Variants in PER3 observed in about 807,000 individuals in gnomAD.
PER3 encodes the protein period circadian protein homolog 3.
Under a neutral mutation model 127.2 loss-of-function variants are expected in PER3, and 107 were observed. The observed-to-expected ratio is 0.84, with a 90% CI of 0.72 to 0.99. PER3 has a LOEUF of 0.99. Ranked by LOEUF, PER3 falls within the 50% of genes least tolerant of loss-of-function variation. PER3 has a pLI of 0.00. For missense variants in PER3, 1,560 were observed against 1,525.8 expected (o/e 1.02, Z -0.37); for synonymous variants, 618 against 585.8 (o/e 1.05, Z -0.79).
chr1:7,808,614 G>C (rs916793181), intron 10 of PER3, among the ~76,000 whole-genome samples: 16 of 152,172 alleles, frequency 1.1e-4, no homozygotes, highest in Admixed American at 2.6e-4. Flanking sequence ...AGTAGCTAAG[G>C]AGGTTACTTG....
At chr1:7,831,172 C>T (rs757942097) in intron 19 of PER3, among the ~76,000 whole-genome samples, 1 of 152,188 alleles carries the variant, frequency 6.6e-6, no homozygotes, top group Non-Finnish European at 1.5e-5. Flanking sequence ...ACAACCCTTA[C>T]ATATATTTTG....
chr1:7,816,633 A>ATTCT (rs1301380271), intron 13 of PER3, among the ~76,000 whole-genome samples: 1,604 of 152,322 alleles, frequency 0.011, 36 homozygotes, highest in African/African-American at 0.036. Context: ...AGATAACACC[A>ATTCT]CACATCTGTG....
intron 19 of PER3, among the ~76,000 whole-genome samples, chr1:7,834,618 G>C (rs1466944300): frequency 1.3e-5 from 2 of 151,984 alleles, no homozygotes; most frequent in Non-Finnish European, 2.9e-5. Context: ...ACCACACTCA[G>C]CTAATTTTTT....
At chr1:7,812,639 A>G (rs1221037444) in intron 13 of PER3, among the ~76,000 whole-genome samples, 1 of 150,956 alleles carries the variant, frequency 6.6e-6, no homozygotes, top group Non-Finnish European at 1.5e-5. Context: ...AAAAAAAAAA[A>G]AAAAAAAAAA....
chr1:7,803,880 C>T lies in PER3; in HGVS notation c.1136+32C>T, dbSNP rs373562934. 3.0e-5 allele frequency: 47 copies of T among 1,562,738 alleles called. No individual in the cohort carries two copies. The African/African-American group carries it at 5.8e-4, about 19-fold the overall frequency. On this transcript the variant is annotated intron_variant, in intron 10 of 21. Coordinates refer to ENST00000377532, the MANE Select transcript of PER3 (RefSeq NM_001377275.1). The stretch of plus-strand genomic sequence containing the variant: ...CAGTCAGTTTTCATATTTTCTAAAA[C>T]ATCTCTTGTATCAAATAATATTCCT...
chr1:7,807,182 A>G (rs888704331), intron 10 of PER3, among the ~76,000 whole-genome samples: 1 of 152,156 alleles, frequency 6.6e-6, no homozygotes, highest in African/African-American at 2.4e-5. Context: ...AGGGAGAGAC[A>G]GTTACATAAA....
rs1553309980 is a variant in PER3, at chr1:7,806,840, A to ATATATATAT, written c.1137-2051_1137-2050insTATATATTA. Among the ~76,000 whole-genome samples the ATATATATAT allele has an allele frequency of 9.5e-4, 108 of 113,922 alleles. 1 individual carries two copies. Among genetic ancestry groups the ATATATATAT allele is most frequent in the East Asian group, 7.2e-3 (16 of 2,236 alleles). 74.7% of individuals were successfully genotyped at this position (113,922 alleles called of 152,430 possible). The stretch of plus-strand genomic sequence containing the variant: ...ATATATATATATATATATATATTAC[A>ATATATATAT]TACACACACACACATACATACACAA... On this transcript the variant is annotated intron_variant, in intron 10 of 21. Transcript: ENST00000377532.
intron 3 of PER3, 68 bp downstream of exon 3, chr1:7,785,654 G>A: frequency 3.8e-6 from 5 of 1,305,774 alleles, no homozygotes; most frequent in Non-Finnish European, 3.2e-6. Context: ...CCAGAGGAGT[G>A]GTCAGTGGGG....
At chr1:7,814,554 A>G (rs2097237728) in intron 13 of PER3, among the ~76,000 whole-genome samples, 1 of 152,212 alleles carries the variant, frequency 6.6e-6, no homozygotes, top group Non-Finnish European at 1.5e-5. Flanking sequence ...TATTTCCAGC[A>G]CACTTACTCC....
At chr1:7,786,408 A>T (rs577273082) in intron 3 of PER3, among the ~76,000 whole-genome samples, 2 of 152,316 alleles carry the variant, frequency 1.3e-5, no homozygotes, top group East Asian at 3.9e-4. Context: ...TTCATATATG[A>T]TATGTTCCTG....
At chr1:7,824,682 TC>T (rs1200700485) in intron 16 of PER3, among the ~76,000 whole-genome samples, 1 of 152,212 alleles carries the variant, frequency 6.6e-6, no homozygotes, top group Non-Finnish European at 1.5e-5. Flanking sequence ...AACAGATTGA[TC>T]CTTTCAGGCT....
Position 7,803,098 on chromosome 1 carries a change from C to G in PER3, c.924C>G (p.Ile308Met), listed in dbSNP as rs777130760. The change falls in exon 9 of 22, where the codon ATC becomes ATG. Residue 308 changes from isoleucine (I) to methionine (M), a missense_variant. Physicochemically the swap from Ile to Met is conservative, Grantham distance 10. This residue lies in a region of PER3 where 1,332 missense variants were observed against 1,223.6 expected (regional missense o/e 1.09). Transcript: ENST00000377532. ...CTCAGGACCTGATTGGAACATCGAT[C>G]CTAAGCTACCTGCACCCTGAAGATC... ...YLPQDLIGTSILSYLHPEDRS... is the reference protein window; with the variant it reads ...YLPQDLIGTSMLSYLHPEDRS... 3 of 1,613,726 alleles carry G rather than the reference C, an allele frequency of 1.9e-6. No individual in the cohort carries two copies. The South Asian group carries it at 3.3e-5, about 18-fold the overall frequency.
intron 10 of PER3, among the ~76,000 whole-genome samples, chr1:7,804,514 C>T (rs2097184692): frequency 6.6e-6 from 1 of 151,630 alleles, no homozygotes; most frequent in African/African-American, 2.4e-5. Context: ...GATCCTCCCA[C>T]TTCAGCCTCC....
At chr1:7,829,141 T>C (rs1205802969) in intron 18 of PER3, among the ~76,000 whole-genome samples, 3 of 152,220 alleles carry the variant, frequency 2.0e-5, no homozygotes, top group Non-Finnish European at 4.4e-5. Flanking sequence ...ACCCAGGGGA[T>C]ATGTTTCAAA....
At chr1:7,815,088 G>A (rs1310047358) in intron 13 of PER3, among the ~76,000 whole-genome samples, 1 of 152,160 alleles carries the variant, frequency 6.6e-6, no homozygotes, top group Non-Finnish European at 1.5e-5. Flanking sequence ...AGGAGTTCGA[G>A]TCCAGCCTGG....
Position 7,798,486 on chromosome 1 carries a change from G to T in PER3, c.645-39G>T, listed in dbSNP as rs367611906. 1.5e-5 allele frequency: 24 copies of T among 1,567,994 alleles called. 1 individual carries two copies. In the African/African-American group the frequency reaches 1.6e-4, roughly 11 times the overall value. Reference sequence around the variant, plus strand: ...CCTTGTTTCGCCATGGGCCAGTAGGGTGCGTCAGGACCAGCACTAATATCT... The same window carrying T: ...CCTTGTTTCGCCATGGGCCAGTAGGTTGCGTCAGGACCAGCACTAATATCT... On this transcript the variant is annotated intron_variant, in intron 6 of 21. Coordinates refer to ENST00000377532, the MANE Select transcript of PER3 (RefSeq NM_001377275.1).
At chr1:7,830,189 A>G (rs2097324498) in intron 19 of PER3, 28 bp downstream of exon 19, 1 of 1,583,094 alleles carries the variant, frequency 6.3e-7, no homozygotes, top group African/African-American at 1.3e-5. Context: ...CTAATGTTTC[A>G]AACTCCAATG....
chr1:7,830,127 C>T lies in PER3; in HGVS notation c.3180C>T (p.Ser1060=), dbSNP rs1422432359. 6 of 1,614,028 alleles carry T rather than the reference C, an allele frequency of 3.7e-6. No homozygotes were observed. The highest frequency in any genetic ancestry group is 1.3e-5 in the African/African-American group (1 of 74,934). ...ATVLSTGSPP[S]ESPSRTGSAA... ...TTCTGTCCACGGGGTCACCTCCCAG[C>T]GAATCCCCATCCAGAACTGGTTCAG... The change falls in exon 19 of 22, where the codon AGC becomes AGT. Residue 1060 remains serine (S), a synonymous_variant. Transcript: ENST00000377532.
chr1:7,803,141 A>G lies in PER3; in HGVS notation c.967A>G (p.Ile323Val), dbSNP rs1377997247. ...TGAAGATCGTTCTCTGATGGTTGCC[A>G]TACACCAAAAAGGTCAGGACCTACT... ...HPEDRSLMVAIHQKVLKYAGH... is the reference protein window; with the variant it reads ...HPEDRSLMVAVHQKVLKYAGH... The change falls in exon 9 of 22, where the codon ATA (isoleucine) becomes GTA (valine). Residue 323 changes from isoleucine to valine, a missense_variant. Coordinates refer to ENST00000377532, the MANE Select transcript of PER3 (RefSeq NM_001377275.1). The G allele has an allele frequency of 2.5e-6, 4 of 1,598,838 alleles. No individual in the cohort carries two copies. Among genetic ancestry groups the G allele is most frequent in the Non-Finnish European group, 3.4e-6 (4 of 1,166,118 alleles).
Sources: gnomAD v4.1 joint callset for allele counts (sites outside exome capture counted in the v4.1 genomes callset) on GRCh38, gnomAD v4.1.1 for gene constraint, gnomAD v4.1.1 regional missense constraint, MANE v1.5 for transcripts, NCBI Gene and HGNC (gene_info 2026-07-23, HGNC 2026-07-21) for gene names.